Variants in GPC5 observed in about 807,000 individuals in gnomAD.
GPC5 encodes the protein glypican-5.
Under a neutral mutation model 53.9 loss-of-function variants are expected in GPC5, and 47 were observed. The ratio of observed to expected loss-of-function variants is 0.87; its 90% confidence interval spans 0.69 to 1.11. The LOEUF (loss-of-function observed/expected upper bound fraction) is 1.11, where lower values mean the gene tolerates loss of function less well. Ranked by LOEUF, GPC5 falls within the 50% of genes most tolerant of loss-of-function variation. GPC5 has a pLI of 0.00. For missense variants in GPC5, 748 were observed against 713.1 expected (o/e 1.05, Z -0.56); for synonymous variants, 286 against 263.3 (o/e 1.09, Z -0.84).
At chr13:91,588,370 G>A (rs1404984571) in intron 2 of GPC5, among the ~76,000 whole-genome samples, 1 of 152,072 alleles carries the variant, frequency 6.6e-6, no homozygotes, top group East Asian at 1.9e-4. Context: ...AGTTTCTGCT[G>A]TCACACTGCC....
At chr13:91,784,647 C>A (rs759962571) in intron 5 of GPC5, among the ~76,000 whole-genome samples, 2 of 150,650 alleles carry the variant, frequency 1.3e-5, no homozygotes, top group Non-Finnish European at 2.9e-5. Context: ...TCGCTTGAAC[C>A]TGGGAAGTGG....
chr13:91,442,442 C>T (rs1880507541), intron 1 of GPC5, among the ~76,000 whole-genome samples: 1 of 152,158 alleles, frequency 6.6e-6, no homozygotes, highest in Admixed American at 6.5e-5. Flanking sequence ...CGTTTAAGTG[C>T]ATGTTATAGT....
At chr13:92,321,371 A>G (rs2043214381) in intron 7 of GPC5, among the ~76,000 whole-genome samples, 1 of 152,228 alleles carries the variant, frequency 6.6e-6, no homozygotes, top group Non-Finnish European at 1.5e-5. Context: ...AGGCGGGTGG[A>G]TCACGAGGTC....
At chr13:92,838,488 CAA>C (rs59632518) in intron 7 of GPC5, among the ~76,000 whole-genome samples, 215 of 137,770 alleles carry the variant, frequency 1.6e-3, no homozygotes, top group African/African-American at 4.9e-3. Flanking sequence ...GCGCCCCCCC[CAA>C]AAAAAAAAAG....
chr13:92,190,306 G>A (rs1043707003), intron 7 of GPC5, among the ~76,000 whole-genome samples: 4 of 152,054 alleles, frequency 2.6e-5, no homozygotes, highest in African/African-American at 9.7e-5. Context: ...GTTGCCAGTG[G>A]AACTGCCTTG....
At chr13:91,439,481 A>G (rs1054555185) in intron 1 of GPC5, among the ~76,000 whole-genome samples, 3 of 152,256 alleles carry the variant, frequency 2.0e-5, no homozygotes, top group Non-Finnish European at 2.9e-5. Flanking sequence ...GCCCCAGTTT[A>G]TATTTTCAAT....
At chr13:92,690,250 G>T (rs1887344140) in intron 7 of GPC5, among the ~76,000 whole-genome samples, 1 of 54,312 alleles carries the variant, frequency 1.8e-5, no homozygotes, top group Admixed American at 3.0e-4. Flanking sequence ...ATATTTCTTG[G>T]AGGCTTTGCT....
chr13:91,456,264 C>T (rs1197892861), intron 2 of GPC5, among the ~76,000 whole-genome samples: 2 of 151,906 alleles, frequency 1.3e-5, no homozygotes, highest in Non-Finnish European at 2.9e-5. Flanking sequence ...GTATGGTGAT[C>T]CTGTATAAGG....
chr13:91,826,189 A>ATAAACC (rs59577902), intron 5 of GPC5, among the ~76,000 whole-genome samples: 1 of 150,798 alleles, frequency 6.6e-6, no homozygotes, highest in Non-Finnish European at 1.5e-5. Flanking sequence ...TAAATAAATG[A>ATAAACC]TGAGATGTCT....
chr13:91,790,999 G>A (rs935903172), intron 5 of GPC5, among the ~76,000 whole-genome samples: 5 of 152,184 alleles, frequency 3.3e-5, no homozygotes, highest in Admixed American at 1.3e-4. Context: ...TTAGAAAAGA[G>A]TGATGCTCCT....
intron 5 of GPC5, among the ~76,000 whole-genome samples, chr13:91,853,153 T>A (rs1172710164): frequency 6.6e-6 from 1 of 152,086 alleles, no homozygotes; most frequent in Non-Finnish European, 1.5e-5. Context: ...TTTTAAAAAA[T>A]TATAGAAATA....
intron 7 of GPC5, among the ~76,000 whole-genome samples, chr13:92,322,448 T>C (rs981973616): frequency 6.6e-6 from 1 of 152,168 alleles, no homozygotes; most frequent in African/African-American, 2.4e-5. Context: ...TGGAAAATAA[T>C]TTCTGTAGAA....
At chr13:92,616,053 C>CA (rs796887833) in intron 7 of GPC5, among the ~76,000 whole-genome samples, 3 of 151,656 alleles carry the variant, frequency 2.0e-5, no homozygotes, top group East Asian at 2.0e-4. Flanking sequence ...GACTCCGTCT[C>CA]AAAAAATCAA....
intron 2 of GPC5, among the ~76,000 whole-genome samples, chr13:91,482,326 G>T (rs7986262): frequency 0.013 from 1,950 of 152,240 alleles, 49 homozygotes; most frequent in African/African-American, 0.045. Flanking sequence ...CAGAGACTCA[G>T]CCCTTTCCGG....
intron 7 of GPC5, among the ~76,000 whole-genome samples, chr13:92,417,698 C>A (rs998294574): frequency 6.6e-6 from 1 of 152,020 alleles, no homozygotes; most frequent in Non-Finnish European, 1.5e-5. Flanking sequence ...CATGGAGAAA[C>A]CCCATCTCTA....
intron 6 of GPC5, among the ~76,000 whole-genome samples, chr13:92,052,622 T>C (rs1174483793): frequency 1.3e-5 from 2 of 152,092 alleles, no homozygotes; most frequent in Admixed American, 1.3e-4. Context: ...AGAGTGCTGA[T>C]TGGTGCATTT....
At chr13:92,077,927 G>A (rs981949638) in intron 6 of GPC5, among the ~76,000 whole-genome samples, 5 of 152,110 alleles carry the variant, frequency 3.3e-5, no homozygotes, top group African/African-American at 1.2e-4. Context: ...CGTAGATATA[G>A]ATAGCTAGGT....
At chr13:92,381,633 G>A (rs7983313) in intron 7 of GPC5, among the ~76,000 whole-genome samples, 89,997 of 150,940 alleles carry the variant, frequency 0.6, 26,971 homozygotes, top group East Asian at 0.75. Context: ...CATTTGATCC[G>A]GCAATCCCAC....
At chr13:92,748,224 A>G (rs1889286524) in intron 7 of GPC5, among the ~76,000 whole-genome samples, 1 of 151,698 alleles carries the variant, frequency 6.6e-6, no homozygotes, top group African/African-American at 2.4e-5. Flanking sequence ...GTAGTTTGAT[A>G]TACATCATAA....
Sources: allele counts gnomAD v4.1 joint callset (sites outside exome capture counted in the v4.1 genomes callset), GRCh38; gene constraint gnomAD v4.1.1; transcripts MANE v1.5; gene names NCBI Gene and HGNC (gene_info 2026-07-23, HGNC 2026-07-21).